ANO6: variants seen among roughly 807,000 people sequenced by gnomAD.
ANO6 encodes the protein anoctamin 6, also known as anoctamin-6.
In ANO6, 106 loss-of-function variants were observed where a neutral mutation model predicts 117.5. The ratio of observed to expected loss-of-function variants is 0.90; its 90% CI spans 0.77 to 1.06. The LOEUF is 1.06. ANO6 is among the 50% of genes least tolerant of loss of function. ANO6 has a pLI of 0.00. For missense variants in ANO6, 955 were observed against 1,121.1 expected, an observed-to-expected ratio of 0.85 and a Z score of 2.12; for synonymous variants, 367 against 385.1, an observed-to-expected ratio of 0.95 and a Z score of 0.55.
At chr12:45,263,367 C>CTTTTTTT (rs72457782) in intron 1 of ANO6, among the ~76,000 whole-genome samples, 2 of 79,176 alleles carry the variant, frequency 2.5e-5, no homozygotes, top group Non-Finnish European at 2.3e-5. Context: ...CTGGCCTGGC[C>CTTTTTTT]TTTTTTTTTT....
At chr12:45,316,261 C>T (rs1014534259) in intron 2 of ANO6, among the ~76,000 whole-genome samples, 5 of 151,934 alleles carry the variant, frequency 3.3e-5, no homozygotes, top group Non-Finnish European at 5.9e-5. Context: ...GGCATATATT[C>T]CAATGAGAAA....
chr12:45,283,463 C>T (rs112277609), intron 1 of ANO6, among the ~76,000 whole-genome samples: 2,072 of 152,260 alleles, frequency 0.014, 27 homozygotes, highest in Non-Finnish European at 0.019. Context: ...AAGGCAAAGT[C>T]CTCAGTTACT....
intron 1 of ANO6, among the ~76,000 whole-genome samples, chr12:45,243,143 C>G (rs1386733033): frequency 6.6e-6 from 1 of 152,062 alleles, no homozygotes; most frequent in Non-Finnish European, 1.5e-5. Flanking sequence ...GTAGCGAGAC[C>G]CAATCTCTAC....
intron 1 of ANO6, among the ~76,000 whole-genome samples, chr12:45,283,362 T>C (rs1192661756): frequency 4.0e-5 from 6 of 151,874 alleles, no homozygotes; most frequent in African/African-American, 1.5e-4. Context: ...GGAATGGGAG[T>C]CATGGCATAG....
In ANO6 at chr12:45,430,072, A is replaced by G. The variant is rs2137737286; in HGVS notation, c.*761A>G. On this transcript the variant is annotated 3_prime_UTR_variant, in exon 20 of 20. Coordinates refer to ENST00000320560, the MANE Select transcript of ANO6 (RefSeq NM_001025356.3). ...CAGATCTCAAGGGAATAAAATGACAAAAGCAGGGAAAGTTACAGATTCAAA... is the reference window on the plus strand; with the variant it reads ...CAGATCTCAAGGGAATAAAATGACAGAAGCAGGGAAAGTTACAGATTCAAA... 7.1e-6 allele frequency: 7 copies of G among 985,480 alleles called. No homozygotes were observed. The South Asian group carries it at 2.8e-4, about 40-fold the overall frequency. The allele number at this position is 985,480 out of a possible 1,614,324, so 61.0% of individuals were successfully genotyped here.
At chr12:45,232,617 A>G (rs1947589209) in intron 1 of ANO6, among the ~76,000 whole-genome samples, 2 of 152,242 alleles carry the variant, frequency 1.3e-5, no homozygotes, top group Non-Finnish European at 2.9e-5. Flanking sequence ...TACTGCGTAA[A>G]ACACCACAAA....
intron 10 of ANO6, 42 bp from the exon 11 acceptor site, chr12:45,388,119 C>A: frequency 6.2e-7 from 1 of 1,611,556 alleles, no homozygotes; most frequent in South Asian, 1.1e-5. Flanking sequence ...AAACATCAGT[C>A]ATCATTGAAA....
At chr12:45,308,742 G>A (rs911524319) in intron 2 of ANO6, among the ~76,000 whole-genome samples, 1 of 152,138 alleles carries the variant, frequency 6.6e-6, no homozygotes, top group African/African-American at 2.4e-5. Context: ...TGTGGCCAGG[G>A]CCTGTGTGGG....
chr12:45,339,466 T>C (rs1163096593), intron 3 of ANO6, among the ~76,000 whole-genome samples: 1 of 152,198 alleles, frequency 6.6e-6, no homozygotes, highest in East Asian at 1.9e-4. Context: ...TTTTCTGTGT[T>C]ACTCAGAATG....
intron 1 of ANO6, chr12:45,270,500 C>A: frequency 7.4e-7 from 1 of 1,343,154 alleles, no homozygotes; most frequent in South Asian, 1.3e-5. Context: ...TCTGACTCCT[C>A]ATACTCACCT....
rs182920151 is a variant in ANO6 at position 45,320,112 on chromosome 12, A to G, written c.151-11183A>G. ...TTTTTGAAGGGTTATTTGTGTTTCT[A>G]TCTCCTTCAGTTCTTCTCTGATCTT... is the stretch of plus-strand genomic sequence containing the variant. On this transcript the variant is annotated intron_variant, in intron 2 of 19. Transcript: ENST00000320560. Among the ~76,000 whole-genome samples the G allele has an allele frequency of 6.5e-4, 98 of 150,792 alleles. 3 individuals are homozygous for G. Among genetic ancestry groups the G allele is most frequent in the Admixed American group, 5.2e-3 (78 of 15,134 alleles).
At chr12:45,376,010 A>C (rs1379160323) in intron 9 of ANO6, among the ~76,000 whole-genome samples, 20 of 148,428 alleles carry the variant, frequency 1.3e-4, no homozygotes, top group South Asian at 6.4e-4. Context: ...AATTTACAAG[A>C]AAAAAACAAC....
chr12:45,311,156 T>C (rs1258817382), intron 2 of ANO6, among the ~76,000 whole-genome samples: 1 of 152,066 alleles, frequency 6.6e-6, no homozygotes, highest in Non-Finnish European at 1.5e-5. Flanking sequence ...ACAGCATGCT[T>C]ATCTGGGCAG....
intron 7 of ANO6, among the ~76,000 whole-genome samples, chr12:45,353,981 T>TA (rs1565713450): frequency 6.6e-6 from 1 of 152,106 alleles, no homozygotes; most frequent in East Asian, 1.9e-4. Flanking sequence ...GGGGAAAAGA[T>TA]AAAAAATTAG....
At chr12:45,387,110 A>G (rs1389419063) in intron 10 of ANO6, among the ~76,000 whole-genome samples, 1 of 152,192 alleles carries the variant, frequency 6.6e-6, no homozygotes, top group African/African-American at 2.4e-5. Flanking sequence ...TAGACACTCA[A>G]AGAATGTTTG....
In ANO6 at chr12:45,390,462, A is replaced by G; in HGVS notation, c.1350A>G (p.Ile450Met). ...RIPFTAWGKC[I>M]RITLCASAVF... ...CCTTTACTGCCTGGGGAAAATGTATACGGATAACCCTCTGTGCCAGTGCTG... is the reference window on the plus strand; with the variant it reads ...CCTTTACTGCCTGGGGAAAATGTATGCGGATAACCCTCTGTGCCAGTGCTG... The change falls in exon 12 of 20, where the codon ATA (isoleucine) becomes ATG (methionine). Residue 450 changes from isoleucine to methionine, a missense_variant. By Grantham distance (10) the Ile-to-Met change is conservative. Transcript: ENST00000320560. 12 of 1,614,020 alleles carry G rather than the reference A, an allele frequency of 7.4e-6. No homozygotes were observed. The highest frequency in any genetic ancestry group is 1.0e-5 in the Non-Finnish European group (12 of 1,179,958).
intron 17 of ANO6, among the ~76,000 whole-genome samples, chr12:45,417,796 G>T (rs1467806671): frequency 6.6e-6 from 1 of 152,098 alleles, no homozygotes; most frequent in Non-Finnish European, 1.5e-5. Flanking sequence ...TGAGTCCCCA[G>T]CCAAAACAAC....
intron 2 of ANO6, among the ~76,000 whole-genome samples, chr12:45,317,111 A>ATGTGTGTGTGTGTG (rs10632163): frequency 7.1e-4 from 10 of 14,004 alleles, no homozygotes; most frequent in African/African-American, 9.9e-4. Context: ...TTCTTTTTAT[A>ATGTGTGTGTGTGTG]TGTATATATA....
In ANO6 at chr12:45,250,782, AG is replaced by A. The variant is rs1272216589; in HGVS notation, c.70+34392del. On this transcript the variant is annotated intron_variant, in intron 1 of 19. Coordinates refer to ENST00000320560, the MANE Select transcript of ANO6 (RefSeq NM_001025356.3). ...TACTTAAAAAAAAAAAAAAAAAAAAAGAGACAGTGTCTCACTATGTTGTCCA... is the reference window on the plus strand; with the variant it reads ...TACTTAAAAAAAAAAAAAAAAAAAAAAGACAGTGTCTCACTATGTTGTCCA... Among the ~76,000 whole-genome samples, 6 of 150,428 alleles carry A rather than the reference AG, an allele frequency of 4.0e-5. No individual in the cohort carries two copies. The South Asian group carries it at 6.3e-4, about 16-fold the overall frequency.
Sources: gnomAD v4.1 joint callset for allele counts (sites outside exome capture counted in the v4.1 genomes callset) on GRCh38, gnomAD v4.1.1 for gene constraint, MANE v1.5 for transcripts, NCBI Gene and HGNC (gene_info 2026-07-23, HGNC 2026-07-21) for gene names.